Variants in PHACTR1 observed in about 807,000 individuals in gnomAD.
PHACTR1 encodes RPEL repeat containing 1.
PHACTR1 carries 16 observed loss-of-function variants against 69.2 expected under a neutral mutation model. The ratio of observed to expected loss-of-function variants is 0.23; its 90% confidence interval spans 0.16 to 0.35. PHACTR1 has a LOEUF of 0.35. Among genes scored for constraint, PHACTR1 ranks in the 10% least tolerant of loss-of-function variants. The pLI is 1.00. For synonymous variants in PHACTR1, 312 were observed against 284.5 expected, an observed-to-expected ratio of 1.10 and a Z score of -0.97; for missense variants, 510 against 734.7, an observed-to-expected ratio of 0.69 and a Z score of 3.54.
intron 5 of PHACTR1, among the ~76,000 whole-genome samples, chr6:13,072,696 A>G (rs1809723849): frequency 6.6e-6 from 1 of 151,454 alleles, no homozygotes; most frequent in Non-Finnish European, 1.5e-5. Context: ...TCTTTTCTTT[A>G]TTTTTTCTTT....
intron 4 of PHACTR1, among the ~76,000 whole-genome samples, chr6:12,997,183 A>ATAAATG (rs939469841): frequency 6.6e-6 from 1 of 150,488 alleles, no homozygotes; most frequent in African/African-American, 2.4e-5. Flanking sequence ...AAGAAAAATT[A>ATAAATG]TAAATGTATT....
intron 4 of PHACTR1, among the ~76,000 whole-genome samples, chr6:12,855,040 G>A (rs1309759510): frequency 6.6e-6 from 1 of 152,154 alleles, no homozygotes; most frequent in Non-Finnish European, 1.5e-5. Context: ...GTTAGTGGGT[G>A]TACTCTCAAA....
rs376299441 is a variant in PHACTR1, at chr6:13,184,048, G to T, written c.664+1362G>T. ...GTGAGCAAGAAGAGAGAGGAAAGGGGAAGATGAAAAGGTTGATTTAAAGCA... is the reference window on the plus strand; with the variant it reads ...GTGAGCAAGAAGAGAGAGGAAAGGGTAAGATGAAAAGGTTGATTTAAAGCA... On this transcript the variant is annotated intron_variant, in intron 7 of 14. Transcript: ENST00000332995. Among the ~76,000 whole-genome samples the T allele has an allele frequency of 5.3e-5, 8 of 152,336 alleles. No homozygotes were observed. In the East Asian group the frequency reaches 1.2e-3, roughly 22 times the overall value.
chr6:13,092,073 C>G (rs1293737565), intron 5 of PHACTR1, among the ~76,000 whole-genome samples: 1 of 152,190 alleles, frequency 6.6e-6, no homozygotes, highest in African/African-American at 2.4e-5. Flanking sequence ...GTTGGGATTA[C>G]AGGCATGAGC....
chr6:13,185,056 A>T, intron 7 of PHACTR1: 1 of 1,281,114 alleles, frequency 7.8e-7, no homozygotes, highest in Non-Finnish European at 1.0e-6. Flanking sequence ...CCTTCAAGGG[A>T]TTTTCTTTTT....
chr6:13,166,525 T>C (rs1222747878), intron 6 of PHACTR1, among the ~76,000 whole-genome samples: 1 of 152,206 alleles, frequency 6.6e-6, no homozygotes, highest in African/African-American at 2.4e-5. Flanking sequence ...TCACATGACT[T>C]GGTTTATTCA....
chr6:13,040,655 G>T (rs1366061676), intron 4 of PHACTR1, among the ~76,000 whole-genome samples: 1 of 152,082 alleles, frequency 6.6e-6, no homozygotes, highest in African/African-American at 2.4e-5. Flanking sequence ...CACCACCCTC[G>T]TGTGAGATTC....
intron 10 of PHACTR1, among the ~76,000 whole-genome samples, chr6:13,242,897 T>C (rs2127378229): frequency 6.6e-6 from 1 of 152,334 alleles, no homozygotes; most frequent in Non-Finnish European, 1.5e-5. Flanking sequence ...CACAGCTCTG[T>C]AATGGGTGTT....
chr6:12,916,533 A>G (rs1787023162), intron 4 of PHACTR1, among the ~76,000 whole-genome samples: 1 of 136,614 alleles, frequency 7.3e-6, no homozygotes, highest in Non-Finnish European at 1.6e-5. Context: ...ACTAGAGGGC[A>G]TGGACTGTTT....
chr6:13,250,546 G>A (rs1774243723), intron 10 of PHACTR1, among the ~76,000 whole-genome samples: 1 of 152,194 alleles, frequency 6.6e-6, no homozygotes, highest in South Asian at 2.1e-4. Context: ...AGATAAGAAG[G>A]GGCTGGCTGT....
chr6:13,164,238 G>A (rs960309787), intron 6 of PHACTR1, among the ~76,000 whole-genome samples: 1 of 151,982 alleles, frequency 6.6e-6, no homozygotes, highest in Non-Finnish European at 1.5e-5. Flanking sequence ...TCTGAGATTC[G>A]GGGGGTAAAG....
intron 5 of PHACTR1, among the ~76,000 whole-genome samples, chr6:13,068,339 A>C (rs1373953064): frequency 6.6e-6 from 1 of 152,154 alleles, no homozygotes; most frequent in Non-Finnish European, 1.5e-5. Context: ...AAAACAACAA[A>C]AAACTGGCAT....
intron 4 of PHACTR1, among the ~76,000 whole-genome samples, chr6:12,864,930 T>A (rs553942448): frequency 6.6e-6 from 1 of 152,276 alleles, no homozygotes; most frequent in South Asian, 2.1e-4. Context: ...TTCTTGTTTG[T>A]GGCCCTAATC....
intron 4 of PHACTR1, among the ~76,000 whole-genome samples, chr6:12,942,654 G>C (rs1214934712): frequency 6.6e-6 from 1 of 152,152 alleles, no homozygotes; most frequent in Non-Finnish European, 1.5e-5. Context: ...ACGAGATCCT[G>C]TCTCAAATAA....
At chr6:13,019,066 A>ATTTT (rs369553785) in intron 4 of PHACTR1, among the ~76,000 whole-genome samples, 15 of 134,646 alleles carry the variant, frequency 1.1e-4, no homozygotes, top group Middle Eastern at 3.8e-3. Context: ...ATATATATAT[A>ATTTT]TATATATATT....
intron 5 of PHACTR1, among the ~76,000 whole-genome samples, chr6:13,095,088 G>GC (rs1356285727): frequency 6.6e-6 from 1 of 152,154 alleles, no homozygotes; most frequent in Non-Finnish European, 1.5e-5. Flanking sequence ...CAAGCCAAGA[G>GC]AAGAGGCCTC....
chr6:13,069,605 CT>C (rs1217066593), intron 5 of PHACTR1, among the ~76,000 whole-genome samples: 1 of 152,024 alleles, frequency 6.6e-6, no homozygotes, highest in South Asian at 2.1e-4. Flanking sequence ...TTTCCCTCTC[CT>C]TTTCTTCTTG....
At chr6:12,768,493 G>C (rs1224316290) in intron 4 of PHACTR1, among the ~76,000 whole-genome samples, 2 of 152,158 alleles carry the variant, frequency 1.3e-5, no homozygotes, top group African/African-American at 4.8e-5. Context: ...CCTGCGAAGA[G>C]AGACCTTTAG....
At chr6:12,904,753 A>G (rs939557202) in intron 4 of PHACTR1, among the ~76,000 whole-genome samples, 6 of 152,040 alleles carry the variant, frequency 3.9e-5, no homozygotes, top group Non-Finnish European at 7.4e-5. Flanking sequence ...ACCCCATCCA[A>G]CCAGCCTAAT....
Sources: allele counts gnomAD v4.1 joint callset (sites outside exome capture counted in the v4.1 genomes callset), GRCh38; gene constraint gnomAD v4.1.1; transcripts MANE v1.5; gene names NCBI Gene and HGNC (gene_info 2026-07-23, HGNC 2026-07-21).